RPL8: variants seen among roughly 807,000 people sequenced by gnomAD.
RPL8 encodes large ribosomal subunit protein uL2.
For missense variants in RPL8, 248 were observed against 365.9 expected (o/e 0.68, Z 2.63); for synonymous variants, 182 against 143.2 (o/e 1.27, Z -1.94).
At position 144,792,160 on chromosome 8, in the gene RPL8, AG is replaced by A. The variant is rs1826557543; in HGVS notation, c.-32del. 1.4e-6 allele frequency: 2 copies of A among 1,462,128 alleles called. No homozygotes were observed. Among genetic ancestry groups the A allele is most frequent in the African/African-American group, 3.0e-5 (2 of 67,326 alleles). The allele number at this position is 1,462,128 out of a possible 1,614,324, so 90.6% of individuals were successfully genotyped here. A position where few individuals can be genotyped will look rare whatever the true frequency, so the allele number is the denominator to read the frequency against. ...CGGGTCCTGGGGGCGACTCACGATT[AG>A]CGCGGCCGGGCGGCCCGGGTACCCC... On this transcript the variant is annotated 5_prime_UTR_variant, in exon 1 of 5. It removes the in-frame stop codon of an upstream open reading frame in the 5' UTR. Coordinates refer to ENST00000528957, the MANE Select transcript of RPL8 (RefSeq NM_001317782.2).
intron 3 of RPL8, chr8:144,790,856 C>A: frequency 1.9e-6 from 1 of 526,660 alleles, no homozygotes; most frequent in East Asian, 5.0e-5. Context: ...AGGCTGAGTT[C>A]ATCACAAGGA....
At chr8:144,791,666 T>G (rs1023020731) in intron 2 of RPL8, 107 bp downstream of exon 2, 1 of 1,562,380 alleles carries the variant, frequency 6.4e-7, no homozygotes, top group Non-Finnish European at 8.7e-7. Context: ...TGTCCCCACC[T>G]GAAGCTTCTG....
intron 2 of RPL8, 39 bp from the exon 3 acceptor site, chr8:144,791,534 G>A (rs745328602): frequency 1.9e-6 from 3 of 1,595,972 alleles, no homozygotes; most frequent in Non-Finnish European, 1.7e-6. Context: ...AGCACAGTAA[G>A]AAACAATGCG....
Position 144,791,983 on chromosome 8 carries a change from G to T in RPL8, c.138+9C>A, listed in dbSNP as rs370097454. On this transcript the variant is annotated intron_variant, in intron 1 of 4. Transcript: ENST00000528957. ...CCCTTCCCCTCCCGCCCCGGCCAGC[G>T]TTCCGCACCTTGACGATGCCCTTGA... is the stretch of plus-strand genomic sequence containing the variant. The T allele has an allele frequency of 1.1e-5, 17 of 1,608,748 alleles. No homozygotes were observed. Among genetic ancestry groups the T allele is most frequent in the Non-Finnish European group, 1.4e-5 (16 of 1,177,546 alleles).
chr8:144,790,294 C>T, intron 4 of RPL8, 61 bp downstream of exon 4: 2 of 1,407,708 alleles, frequency 1.4e-6, no homozygotes, highest in Non-Finnish European at 2.0e-6. Flanking sequence ...TGGGACTTGC[C>T]TACCCAACAG....
At chr8:144,790,052 G>A (rs112321400) in intron 4 of RPL8, 90 bp from the exon 5 acceptor site, 129 of 1,429,994 alleles carry the variant, frequency 9.0e-5, no homozygotes, top group Non-Finnish European at 1.1e-4. Context: ...GCCCAATTCC[G>A]CGAAGCCCCT....
At chr8:144,791,080 AG>A in intron 3 of RPL8, 196 bp downstream of exon 3, 1 of 605,410 alleles carries the variant, frequency 1.7e-6, no homozygotes, top group East Asian at 2.8e-5. Flanking sequence ...CCTCAACAGC[AG>A]TAAAGCAGGT....
rs1431461705 is a variant in RPL8, at chr8:144,791,825, G to C, written c.228C>G (p.Phe76Leu). 1 of 1,613,952 alleles carries C rather than the reference G, an allele frequency of 6.2e-7. No individual in the cohort carries two copies. ...CCGTGTGAATGCCCTCGGCGGCAAT[G>C]AACAGCTCCGTCCGCTTCTTAAACC... Reference protein sequence around the residue: ...PYRFKKRTELFIAAEGIHTGQ... With the variant: ...PYRFKKRTELLIAAEGIHTGQ... The change falls in exon 2 of 5, where the codon TTC becomes TTG. Residue 76 changes from phenylalanine to leucine, a missense_variant. Transcript: ENST00000528957.
In RPL8 at chr8:144,792,053, G is replaced by A. The variant is rs150232934; in HGVS notation, c.77C>T (p.Ala26Val). Residue 26 changes from alanine (A) to valine (V), a missense_variant, in exon 1 of 5, where the codon GCT becomes GTT. Physicochemically the swap from Ala to Val is moderately conservative, Grantham distance 64. Coordinates refer to ENST00000528957, the MANE Select transcript of RPL8 (RefSeq NM_001317782.2). Reference protein sequence around the residue: ...FRAHVKHRKGAARLRAVDFAE... With the variant: ...FRAHVKHRKGVARLRAVDFAE... ...GAAATCCACGGCGCGCAGGCGCGCA[G>A]CGCCTTTACGGTGCTTCACGTGCGC... 120 of 1,608,766 alleles carry A rather than the reference G, an allele frequency of 7.5e-5. No homozygotes were observed. In the Admixed American group the frequency reaches 8.9e-4, roughly 12 times the overall value.
intron 3 of RPL8, chr8:144,790,971 T>C (rs1826490015): frequency 1.7e-5 from 8 of 479,390 alleles, no homozygotes; most frequent in Non-Finnish European, 2.7e-5. Flanking sequence ...CCCTGCCTTC[T>C]CTAAAAAGGC....
At chr8:144,790,966 C>A in intron 3 of RPL8, 1 of 474,970 alleles carries the variant, frequency 2.1e-6, no homozygotes, top group Non-Finnish European at 3.9e-6. Flanking sequence ...TCTCTCCCTG[C>A]CTTCTCTAAA....
chr8:144,792,149 G>C lies in RPL8; in HGVS notation c.-20C>G. 6.7e-7 allele frequency: 1 copy of C among 1,485,236 alleles called. No homozygotes were observed. The highest frequency in any genetic ancestry group is 1.3e-5 in the South Asian group (1 of 75,170). The allele number at this position is 1,485,236 out of a possible 1,614,324, so 92.0% of individuals were successfully genotyped here. On this transcript the variant is annotated 5_prime_UTR_variant, in exon 1 of 5. Transcript: ENST00000528957. ...GCCCATGGCGACGGGTCCTGGGGGC[G>C]ACTCACGATTAGCGCGGCCGGGCGG...
rs1826565749 is a variant in RPL8 at position 144,792,295 on chromosome 8, T to G, written c.-166A>C. 7.7e-6 allele frequency: 8 copies of G among 1,038,262 alleles called. No individual in the cohort carries two copies. Among genetic ancestry groups the G allele is most frequent in the Non-Finnish European group, 1.0e-5 (8 of 781,794 alleles). 64.3% of individuals were successfully genotyped at this position (1,038,262 alleles called of 1,614,324 possible). The stretch of plus-strand genomic sequence containing the variant: ...ATCCTCTCAGGAGGGCCGGTCCGGG[T>G]CTCAGCGCGCCTCACGGAAGAGGAT... On this transcript the variant is annotated 5_prime_UTR_variant, in exon 1 of 5. Transcript: ENST00000528957.
chr8:144,790,777 C>A (rs1826480936), intron 3 of RPL8: 1 of 609,840 alleles, frequency 1.6e-6, no homozygotes, highest in Admixed American at 2.1e-5. Context: ...ACGTAAGACA[C>A]TTGATTCAGC....
chr8:144,790,255 G>C, intron 4 of RPL8, 100 bp downstream of exon 4: 2 of 1,002,292 alleles, frequency 2.0e-6, no homozygotes, highest in Non-Finnish European at 3.1e-6. Flanking sequence ...TCCCACCGTA[G>C]ATCCCCCTCC....
chr8:144,789,804 C>G lies in RPL8; in HGVS notation c.774G>C (p.Ter258TyrextTer2), dbSNP rs1826428557. The G allele has an allele frequency of 2.5e-6, 4 of 1,613,460 alleles. No homozygotes were observed. Among genetic ancestry groups the G allele is most frequent in the East Asian group, 4.5e-5 (2 of 44,882 alleles). ...GTKTVQEKEN[*>Y] ...ACAAACTTTATTGAGGCCCTCAGCA[C>G]TAGTTCTCTTTCTCCTGCACAGTCT... The change falls in exon 5 of 5, where the codon TAG (stop) becomes TAC (tyrosine). Residue 258 changes from the stop codon to tyrosine (Y), a stop_lost. Transcript: ENST00000528957.
chr8:144,790,575 A>C, intron 3 of RPL8, 105 bp from the exon 4 acceptor site: 1 of 895,130 alleles, frequency 1.1e-6, no homozygotes, highest in South Asian at 1.4e-5. Flanking sequence ...CCAACTACCC[A>C]GCAAAAAGCC....
chr8:144,791,311 C>T lies in RPL8; in HGVS notation c.465G>A (p.Lys155=), dbSNP rs1826504981. The change falls in exon 3 of 5, where the codon AAG becomes AAA. Residue 155 remains lysine, a synonymous_variant. Transcript: ENST00000528957. ...CTCTGTTGGCTGAGGAGATAACCTT[C>T]TTGGAGCCGGAGGGCAGCTTCACAC... ...KTRVKLPSGS[K]KVISSANRAV... 4 of 1,612,334 alleles carry T rather than the reference C, an allele frequency of 2.5e-6. No individual in the cohort carries two copies. The highest frequency in any genetic ancestry group is 2.7e-5 in the African/African-American group (2 of 75,008).
rs1028875264 is a variant in RPL8, at chr8:144,792,326, C to T, written c.-197G>A. 2 of 833,134 alleles carry T rather than the reference C, an allele frequency of 2.4e-6. No homozygotes were observed. The highest frequency in any genetic ancestry group is 3.3e-6 in the Non-Finnish European group (2 of 601,410). The allele number at this position is 833,134 out of a possible 1,614,324, so 51.6% of individuals were successfully genotyped here. On this transcript the variant is annotated 5_prime_UTR_variant, in exon 1 of 5. Coordinates refer to ENST00000528957, the MANE Select transcript of RPL8 (RefSeq NM_001317782.2). The stretch of plus-strand genomic sequence containing the variant: ...CGCGCCTCACGGAAGAGGATGGCGG[C>T]GGATACTGCCCATGCCGCAAGGCCG...
Sources: gnomAD v4.1 joint callset for allele counts on GRCh38, gnomAD v4.1.1 for gene constraint, MANE v1.5 for transcripts, NCBI Gene and HGNC (gene_info 2026-07-23, HGNC 2026-07-21) for gene names.